TLR6: variants seen among roughly 807,000 people sequenced by gnomAD.
TLR6 encodes toll-like receptor 6.
A neutral mutation model predicts 16.1 loss-of-function variants in TLR6; 9 were observed. The ratio of observed to expected loss-of-function variants is 0.56; its 90% CI spans 0.34 to 0.98. The LOEUF (loss-of-function observed/expected upper bound fraction) is 0.98. TLR6 is among the 50% of genes least tolerant of loss of function. The pLI, the probability that TLR6 is intolerant of heterozygous loss-of-function variation, is 0.02. For missense variants in TLR6, 786 were observed against 921.0 expected, an observed-to-expected ratio of 0.85 and a Z score of 1.90; for synonymous variants, 340 against 338.6, an observed-to-expected ratio of 1.00 and a Z score of -0.04.
chr4:38,827,682 A>G (rs1277102334), exon 2 of TLR6: 28 of 1,614,228 alleles, frequency 1.7e-5, no homozygotes, highest in Non-Finnish European at 2.2e-5. Flanking sequence ...GTCACAGCCA[A>G]CACCAGCATG....
chr4:38,831,199 A>G (rs1711556736), intron 1 of TLR6, among the ~76,000 whole-genome samples: 1 of 152,102 alleles, frequency 6.6e-6, no homozygotes, highest in African/African-American at 2.4e-5. Context: ...CAAAAAAATA[A>G]TCAACTGCTG....
upstream of TLR6, among the ~76,000 whole-genome samples, chr4:38,860,412 C>T (rs914945525): frequency 2.0e-5 from 3 of 151,784 alleles, no homozygotes; most frequent in Non-Finnish European, 4.4e-5. Flanking sequence ...GCGGAGGTTG[C>T]TGTGAGCTGA....
the TLR6 span, among the ~76,000 whole-genome samples, chr4:38,866,738 C>A: frequency 6.6e-6 from 1 of 151,606 alleles, no homozygotes. Flanking sequence ...TATAAAAAAG[C>A]AAACAAAAAG....
intron 1 of TLR6, among the ~76,000 whole-genome samples, chr4:38,840,415 C>T (rs113556148): frequency 0.019 from 2,863 of 152,092 alleles, 97 homozygotes; most frequent in African/African-American, 0.065. Flanking sequence ...CCATGGATCA[C>T]GAGGTCAGGA....
At chr4:38,856,263 A>T (rs1712983651) in intron 1 of TLR6, among the ~76,000 whole-genome samples, 1 of 152,238 alleles carries the variant, frequency 6.6e-6, no homozygotes, top group Non-Finnish European at 1.5e-5. Context: ...TATGAATAGG[A>T]CTGACATAAT....
Position 38,853,331 on chromosome 4 carries a change from T to C in TLR6, c.-65+3430A>G, listed in dbSNP as rs1579261516. Among the ~76,000 whole-genome samples, 7 of 150,862 alleles carry C rather than the reference T, an allele frequency of 4.6e-5. No individual in the cohort carries two copies. The South Asian group carries it at 1.5e-3, about 32-fold the overall frequency. On this transcript the variant is annotated intron_variant, in intron 1 of 1. Transcript: ENST00000436693. ...CCAACATGGCACATGTATACATATATAACAAACCTGCATGTTGTGCACATG... is the reference window on the plus strand; with the variant it reads ...CCAACATGGCACATGTATACATATACAACAAACCTGCATGTTGTGCACATG...
chr4:38,831,160 C>A (rs561779833), intron 1 of TLR6, among the ~76,000 whole-genome samples: 13 of 151,858 alleles, frequency 8.6e-5, no homozygotes, highest in Non-Finnish European at 1.5e-4. Context: ...GGTCAAATGA[C>A]CAGAATACAG....
chr4:38,827,771 C>T, exon 2 of TLR6: 1 of 1,614,238 alleles, frequency 6.2e-7, no homozygotes, highest in South Asian at 1.1e-5. Context: ...TGGGCTTCCT[C>T]TATAACTTTC....
intron 1 of TLR6, among the ~76,000 whole-genome samples, chr4:38,850,888 G>A (rs1712743169): frequency 6.6e-6 from 1 of 152,126 alleles, no homozygotes; most frequent in Non-Finnish European, 1.5e-5. Flanking sequence ...TATGAGGCCA[G>A]CATCATCCTG....
intron 1 of TLR6, among the ~76,000 whole-genome samples, chr4:38,833,447 G>A (rs1224706720): frequency 6.6e-6 from 1 of 152,204 alleles, no homozygotes; most frequent in Non-Finnish European, 1.5e-5. Context: ...ACTGATGACA[G>A]GTGAAGAAAT....
At chr4:38,823,023 G>A (rs951677420), downstream of TLR6, among the ~76,000 whole-genome samples, 1 of 152,194 alleles carries the variant, frequency 6.6e-6, no homozygotes, top group African/African-American at 2.4e-5. Context: ...GAGAACTTGT[G>A]CAGGGAAACT....
At chr4:38,842,489 T>C (rs1031964292) in intron 1 of TLR6, among the ~76,000 whole-genome samples, 2 of 152,184 alleles carry the variant, frequency 1.3e-5, no homozygotes, top group Non-Finnish European at 2.9e-5. Flanking sequence ...AGATCCCATG[T>C]TTGTGACTGG....
intron 1 of TLR6, among the ~76,000 whole-genome samples, chr4:38,855,847 CAGTT>C (rs1712962260): frequency 7.5e-6 from 1 of 133,658 alleles, no homozygotes; most frequent in Admixed American, 7.5e-5. Context: ...AGAGAGTTCA[CAGTT>C]TTTTAAAGAA....
At chr4:38,865,553 T>G in the TLR6 span, among the ~76,000 whole-genome samples, 1 of 152,166 alleles carries the variant, frequency 6.6e-6, no homozygotes, top group East Asian at 1.9e-4. Flanking sequence ...GCAAAGGTGC[T>G]TGCTGTCTCT....
chr4:38,833,193 C>G (rs1711714205), intron 1 of TLR6, among the ~76,000 whole-genome samples: 1 of 152,198 alleles, frequency 6.6e-6, no homozygotes, highest in Admixed American at 6.5e-5. Context: ...AACCTGCCCT[C>G]CCACTTGGTC....
Position 38,845,653 on chromosome 4 carries a change from G to A in TLR6, c.-65+11108C>T, listed in dbSNP as rs1470925313. 2.0e-5 allele frequency among the ~76,000 whole-genome samples: 3 copies of A among 152,246 alleles called. No individual in the cohort carries two copies. The East Asian group carries it at 5.8e-4, about 29-fold the overall frequency. ...CCTGGATTCCCTCCTAGAGCCTCCA[G>A]AAAGAATGCAGCCTTGCCAGTCCCT... On this transcript the variant is annotated intron_variant, in intron 1 of 1. Transcript: ENST00000436693.
the TLR6 span, among the ~76,000 whole-genome samples, chr4:38,862,105 A>G: frequency 9.2e-5 from 14 of 152,142 alleles, no homozygotes; most frequent in African/African-American, 3.4e-4. Context: ...CCTCCCCTGC[A>G]TGAGTTCTAC....
the TLR6 span, among the ~76,000 whole-genome samples, chr4:38,863,934 C>T: frequency 4.3e-4 from 66 of 152,280 alleles, no homozygotes; most frequent in Non-Finnish European, 8.5e-4. Flanking sequence ...ATCTCTCAGC[C>T]TCCACTACCT....
intron 1 of TLR6, among the ~76,000 whole-genome samples, chr4:38,830,788 G>T (rs948416558): frequency 6.6e-6 from 1 of 152,132 alleles, no homozygotes; most frequent in Non-Finnish European, 1.5e-5. Flanking sequence ...TTACCTCATT[G>T]TAGTGTTTAA....
Sources: allele counts gnomAD v4.1 joint callset (sites outside exome capture counted in the v4.1 genomes callset), GRCh38; gene constraint gnomAD v4.1.1; transcripts MANE v1.5; gene names NCBI Gene and HGNC (gene_info 2026-07-23, HGNC 2026-07-21).